Variants in CDK8 observed in about 807,000 individuals in gnomAD.
The protein encoded by CDK8 is cyclin-dependent kinase 8.
A neutral mutation model predicts 71.5 loss-of-function variants in CDK8; 29 were observed. That is an observed-to-expected ratio of 0.41 (90% CI 0.30 to 0.55). CDK8 has a LOEUF of 0.55. Ranked by LOEUF, CDK8 falls within the 20% of genes least tolerant of loss-of-function variation. The probability of loss-of-function intolerance (pLI) is 0.37; values close to 1 mark genes in which losing one functional copy is unlikely to be tolerated. For synonymous variants in CDK8, 161 were observed against 192.1 expected (o/e 0.84, Z 1.34); for missense variants, 288 against 572.6 (o/e 0.50, Z 5.07).
At chr13:26,399,977 C>T (rs968988595) in intron 9 of CDK8, 2 of 195,822 alleles carry the variant, frequency 1.0e-5, no homozygotes, top group African/African-American at 4.8e-5. Flanking sequence ...AGTGCAGTAG[C>T]GTAGCCACTA....
intron 1 of CDK8, 88 bp from the exon 2 acceptor site, chr13:26,337,479 C>T (rs564734940): frequency 1.2e-4 from 59 of 493,798 alleles, no homozygotes; most frequent in African/African-American, 8.0e-4. Context: ...GTGTATTAAA[C>T]GTGATTTATA....
intron 4 of CDK8, among the ~76,000 whole-genome samples, chr13:26,365,737 C>T (rs569719842): frequency 6.6e-6 from 1 of 152,156 alleles, no homozygotes; most frequent in African/African-American, 2.4e-5. Context: ...ACAAAATATA[C>T]TATCATCCAC....
chr13:26,325,622 C>T (rs1478658020), intron 1 of CDK8, among the ~76,000 whole-genome samples: 1 of 152,078 alleles, frequency 6.6e-6, no homozygotes, highest in Non-Finnish European at 1.5e-5. Flanking sequence ...GGAAGTAGAA[C>T]AGATCTGGAT....
At chr13:26,304,715 T>G (rs936317836) in intron 1 of CDK8, among the ~76,000 whole-genome samples, 15 of 152,204 alleles carry the variant, frequency 9.9e-5, no homozygotes, top group African/African-American at 3.4e-4. Context: ...GAGTTCACTG[T>G]AAACTTGAAA....
chr13:26,263,348 G>A (rs929282107), intron 1 of CDK8, among the ~76,000 whole-genome samples: 7 of 152,134 alleles, frequency 4.6e-5, no homozygotes, highest in South Asian at 2.1e-4. Context: ...TGTTAGCCAA[G>A]ATGGTCTCGA....
chr13:26,292,623 A>T lies in CDK8; in HGVS notation c.128+37854A>T, dbSNP rs529581746. Reference sequence around the variant, plus strand: ...CAGGAAGCAGGAAAATGTGATATTTAGTTAGGTTGTTATGTGCTCAGCTCT... The same window carrying T: ...CAGGAAGCAGGAAAATGTGATATTTTGTTAGGTTGTTATGTGCTCAGCTCT... On this transcript the variant is annotated intron_variant, in intron 1 of 12. Coordinates refer to ENST00000381527, the MANE Select transcript of CDK8 (RefSeq NM_001260.3). Among the ~76,000 whole-genome samples, 3 of 152,308 alleles carry T rather than the reference A, an allele frequency of 2.0e-5. No individual in the cohort carries two copies. In the South Asian group the frequency reaches 6.2e-4, roughly 32 times the overall value.
At chr13:26,317,122 A>G (rs1874546400) in intron 1 of CDK8, among the ~76,000 whole-genome samples, 1 of 152,224 alleles carries the variant, frequency 6.6e-6, no homozygotes, top group East Asian at 1.9e-4. Flanking sequence ...CTCCATCAAG[A>G]GGACCAACGT....
In CDK8 at chr13:26,401,091, G is replaced by A. The variant is rs1374256003; in HGVS notation, c.1032-178G>A. ...AGCTCAAGCCCTCAAGTAGCCTGCT[G>A]TAATATTACTAGTTACAAAGAAAAG... On this transcript the variant is annotated intron_variant, in intron 10 of 12. Transcript: ENST00000381527. The surrounding 1 kb of genome is among the most constrained non-coding windows in gnomAD (Gnocchi z 4.5). Among the ~76,000 whole-genome samples, 2 of 152,150 alleles carry A rather than the reference G, an allele frequency of 1.3e-5. No individual in the cohort carries two copies. Among genetic ancestry groups the A allele is most frequent in the African/African-American group, 4.8e-5 (2 of 41,430 alleles).
At chr13:26,329,483 G>GTTTTTTTTTTTTTTTTTTTTTTTTTT (rs543441898) in intron 1 of CDK8, among the ~76,000 whole-genome samples, 2 of 128,496 alleles carry the variant, frequency 1.6e-5, no homozygotes, top group African/African-American at 3.1e-5. Context: ...TTTTTTTTTT[G>GTTTTTTTTTTTTTTTTTTTTTTTTTT]TTTTTTTTTT....
At chr13:26,333,538 A>G (rs1052296836) in intron 1 of CDK8, among the ~76,000 whole-genome samples, 3 of 152,310 alleles carry the variant, frequency 2.0e-5, no homozygotes, top group East Asian at 1.9e-4. Context: ...GGTGATGCCA[A>G]ACAACCACAG....
At chr13:26,318,547 C>T (rs917541037) in intron 1 of CDK8, among the ~76,000 whole-genome samples, 2 of 152,074 alleles carry the variant, frequency 1.3e-5, no homozygotes, top group African/African-American at 4.8e-5. Flanking sequence ...ATACTAGCAC[C>T]CCAAATTCAA....
At chr13:26,297,235 T>C (rs1873600030) in intron 1 of CDK8, among the ~76,000 whole-genome samples, 1 of 152,144 alleles carries the variant, frequency 6.6e-6, no homozygotes, top group Admixed American at 6.5e-5. Context: ...GGTCAAATTA[T>C]GAATAAATTT....
At chr13:26,343,680 T>C (rs990032649) in intron 2 of CDK8, among the ~76,000 whole-genome samples, 2 of 152,202 alleles carry the variant, frequency 1.3e-5, no homozygotes, top group Non-Finnish European at 2.9e-5. Flanking sequence ...TACACTACTG[T>C]AGACTATAAG....
chr13:26,341,705 ATTAAT>A (rs1873245833), intron 2 of CDK8, among the ~76,000 whole-genome samples: 1 of 152,310 alleles, frequency 6.6e-6, no homozygotes, highest in Admixed American at 6.5e-5. Flanking sequence ...AGTTTGAAGT[ATTAAT>A]TTATTTTTTA....
chr13:26,307,212 A>G (rs1874084781), intron 1 of CDK8, among the ~76,000 whole-genome samples: 2 of 152,192 alleles, frequency 1.3e-5, no homozygotes, highest in Non-Finnish European at 1.5e-5. Flanking sequence ...AGGGGATATT[A>G]AAGTTCCAGA....
At chr13:26,300,405 C>G (rs1011846130) in intron 1 of CDK8, among the ~76,000 whole-genome samples, 14 of 152,100 alleles carry the variant, frequency 9.2e-5, no homozygotes, top group Non-Finnish European at 1.8e-4. Context: ...TTTATGCTAA[C>G]TCAGAATGGC....
At position 26,354,686 on chromosome 13, in the gene CDK8, A is replaced by G. The variant is rs377688948; in HGVS notation, c.456+806A>G. On this transcript the variant is annotated intron_variant, in intron 4 of 12. Coordinates refer to ENST00000381527, the MANE Select transcript of CDK8 (RefSeq NM_001260.3). ...GATTGCACGCTCCTTATGAGAATCTAGCTAATGCCTTATGATCTGAGGTGG... is the reference window on the plus strand; with the variant it reads ...GATTGCACGCTCCTTATGAGAATCTGGCTAATGCCTTATGATCTGAGGTGG... Among the ~76,000 whole-genome samples the G allele has an allele frequency of 2.0e-4, 31 of 152,306 alleles. No individual in the cohort carries two copies. The East Asian group carries it at 4.8e-3, about 24-fold the overall frequency.
intron 1 of CDK8, among the ~76,000 whole-genome samples, chr13:26,272,221 GT>G (rs1345746252): frequency 3.3e-5 from 5 of 152,020 alleles, no homozygotes; most frequent in African/African-American, 1.2e-4. Flanking sequence ...GCTGGGCGTA[GT>G]GGGTCACACC....
At chr13:26,296,227 A>T (rs1189624366) in intron 1 of CDK8, among the ~76,000 whole-genome samples, 2 of 152,168 alleles carry the variant, frequency 1.3e-5, no homozygotes, top group African/African-American at 4.8e-5. Context: ...ATCAGAGAGG[A>T]TCGAAAGGTT....
Sources: allele counts gnomAD v4.1 joint callset (sites outside exome capture counted in the v4.1 genomes callset), GRCh38; gene constraint gnomAD v4.1.1; non-coding constraint Gnocchi (gnomAD v3.1); transcripts MANE v1.5; gene names NCBI Gene and HGNC (gene_info 2026-07-23, HGNC 2026-07-21).